SLC4A4: variants seen among roughly 807,000 people sequenced by gnomAD.
The protein encoded by SLC4A4 is electrogenic sodium bicarbonate cotransporter 1.
A neutral mutation model predicts 111.5 loss-of-function variants in SLC4A4; 27 were observed. The ratio of observed to expected loss-of-function variants is 0.24; its 90% confidence interval spans 0.18 to 0.33. The LOEUF (loss-of-function observed/expected upper bound fraction) is 0.33. SLC4A4 is among the 10% of genes least tolerant of loss of function. The probability of loss-of-function intolerance (pLI) is 1.00; values close to 1 mark genes in which losing one functional copy is unlikely to be tolerated. For synonymous variants in SLC4A4, 443 were observed against 463.4 expected (o/e 0.96, Z 0.57); for missense variants, 909 against 1,315.5 (o/e 0.69, Z 4.78).
chr4:71,423,610 C>A (rs1342229562), intron 7 of SLC4A4, among the ~76,000 whole-genome samples: 4 of 152,096 alleles, frequency 2.6e-5, no homozygotes, highest in Non-Finnish European at 5.9e-5. Flanking sequence ...GCTACAGTAA[C>A]CAAAACAGCA....
chr4:71,455,501 A>G (rs1726160556), intron 12 of SLC4A4, among the ~76,000 whole-genome samples: 1 of 152,166 alleles, frequency 6.6e-6, no homozygotes, highest in Admixed American at 6.5e-5. Context: ...AAGAAAAAAA[A>G]TGGAGAAGAT....
intron 2 of SLC4A4, among the ~76,000 whole-genome samples, chr4:71,141,912 A>C (rs1744008098): frequency 1.3e-5 from 2 of 152,248 alleles, no homozygotes; most frequent in South Asian, 4.1e-4. Context: ...CAATTTCATT[A>C]GCTTAGGTAG....
intron 1 of SLC4A4, among the ~76,000 whole-genome samples, chr4:71,068,267 G>C (rs1578448225): frequency 6.6e-6 from 1 of 151,932 alleles, no homozygotes; most frequent in Non-Finnish European, 1.5e-5. Context: ...GTTTCACCAT[G>C]TTAGTCAGGC....
Position 71,396,939 on chromosome 4 carries a change from C to G in SLC4A4, c.731-638C>G, listed in dbSNP as rs79894694. Among the ~76,000 whole-genome samples the G allele has an allele frequency of 9.1e-4, 138 of 152,232 alleles. 2 individuals are homozygous for G. In the East Asian group the frequency reaches 0.019, roughly 21 times the overall value. On this transcript the variant is annotated intron_variant, in intron 6 of 25. Coordinates refer to ENST00000264485, the MANE Select transcript of SLC4A4 (RefSeq NM_001098484.3). ...AGAGGATATACTTATTTTATTCTGG[C>G]AAATGGGAATGCAGAGAAATAAGGC...
chr4:71,219,518 T>A (rs1478640923), intron 1 of SLC4A4, among the ~76,000 whole-genome samples: 2 of 152,210 alleles, frequency 1.3e-5, no homozygotes, highest in East Asian at 3.8e-4. Flanking sequence ...TTTTTATGTG[T>A]GCTAAAATAA....
At chr4:71,385,930 TTC>T (rs1718675243) in intron 6 of SLC4A4, among the ~76,000 whole-genome samples, 2 of 152,194 alleles carry the variant, frequency 1.3e-5, no homozygotes, top group South Asian at 4.1e-4. Context: ...ATCTCTTTTT[TTC>T]TTAGTTAATT....
intron 3 of SLC4A4, among the ~76,000 whole-genome samples, chr4:71,267,824 C>T (rs1452096013): frequency 8.5e-5 from 8 of 94,024 alleles, no homozygotes; most frequent in Non-Finnish European, 1.7e-4. Context: ...AAAAAGAAAA[C>T]GAAACGTACC....
chr4:71,374,976 T>A (rs1294882761), intron 6 of SLC4A4, among the ~76,000 whole-genome samples: 1 of 152,176 alleles, frequency 6.6e-6, no homozygotes, highest in African/African-American at 2.4e-5. Flanking sequence ...GCGTCAACTT[T>A]GATTAATGCA....
intron 2 of SLC4A4, among the ~76,000 whole-genome samples, chr4:71,252,191 A>G (rs1408265146): frequency 6.6e-6 from 1 of 152,210 alleles, no homozygotes; most frequent in African/African-American, 2.4e-5. Context: ...TCATGATGAC[A>G]GATATTCTGT....
chr4:71,506,566 T>G (rs1186878617), intron 16 of SLC4A4, among the ~76,000 whole-genome samples: 1 of 152,166 alleles, frequency 6.6e-6, no homozygotes, highest in Non-Finnish European at 1.5e-5. Context: ...CTGAAGTTGC[T>G]TAGCAGCTCA....
intron 2 of SLC4A4, among the ~76,000 whole-genome samples, chr4:71,250,664 A>G (rs1217010718): frequency 1.3e-5 from 2 of 152,194 alleles, no homozygotes; most frequent in African/African-American, 2.4e-5. Flanking sequence ...ATGAAACTCT[A>G]TATGCTCACT....
At chr4:71,411,362 G>GCC (rs200890739) in intron 7 of SLC4A4, among the ~76,000 whole-genome samples, 21 of 149,610 alleles carry the variant, frequency 1.4e-4, no homozygotes, top group Admixed American at 5.4e-4. Flanking sequence ...TCTGTGACAC[G>GCC]CCCCCCCCCT....
chr4:71,464,368 CT>C, intron 12 of SLC4A4, among the ~76,000 whole-genome samples: 1 of 152,126 alleles, frequency 6.6e-6, no homozygotes, highest in Non-Finnish European at 1.5e-5. Context: ...CTAGGATAAC[CT>C]TTTTCTGTCT....
chr4:71,119,502 C>G (rs766845687), intron 2 of SLC4A4, among the ~76,000 whole-genome samples: 1 of 152,192 alleles, frequency 6.6e-6, no homozygotes, highest in Non-Finnish European at 1.5e-5. Context: ...CCACCTCAGC[C>G]TCCCAAGTTG....
chr4:71,210,060 G>A (rs1368262190), intron 1 of SLC4A4, among the ~76,000 whole-genome samples: 1 of 152,170 alleles, frequency 6.6e-6, no homozygotes, highest in Non-Finnish European at 1.5e-5. Flanking sequence ...TTTGAAGCCT[G>A]CCATGCTGGC....
chr4:71,180,022 G>C lies in SLC4A4; in HGVS notation c.-1-56554G>C, dbSNP rs143266600. ...AACAGAGATATAGATCAATGGAACA[G>C]AACAGAGCCCTCAGAAATAATGCTG... is the stretch of plus-strand genomic sequence containing the variant. On this transcript the variant is annotated intron_variant, in intron 2 of 26. Coordinates refer to the SLC4A4 transcript ENST00000649996. Among the ~76,000 whole-genome samples the C allele has an allele frequency of 1.1e-3, 162 of 152,286 alleles. 4 individuals are homozygous for C. The East Asian group carries it at 0.029, about 27-fold the overall frequency.
chr4:71,268,087 T>TTG (rs1290126945), intron 3 of SLC4A4, among the ~76,000 whole-genome samples: 29 of 147,730 alleles, frequency 2.0e-4, no homozygotes, highest in African/African-American at 6.2e-4. Context: ...TTTTTTTTTT[T>TTG]TTTTTTTTTT....
At chr4:71,075,351 ACTGT>A (rs1560705622) in intron 1 of SLC4A4, among the ~76,000 whole-genome samples, 3 of 152,232 alleles carry the variant, frequency 2.0e-5, no homozygotes, top group Admixed American at 1.3e-4. Flanking sequence ...GACATAAGGG[ACTGT>A]CTTTTTCAGT....
chr4:71,548,714 A>G (rs539855054), intron 20 of SLC4A4, among the ~76,000 whole-genome samples: 14 of 152,008 alleles, frequency 9.2e-5, no homozygotes, highest in Admixed American at 5.9e-4. Flanking sequence ...ATATAATTAC[A>G]TAAGTAATGG....
Sources: gnomAD v4.1 joint callset for allele counts (sites outside exome capture counted in the v4.1 genomes callset) on GRCh38, gnomAD v4.1.1 for gene constraint, MANE v1.5 for transcripts, NCBI Gene and HGNC (gene_info 2026-07-23, HGNC 2026-07-21) for gene names.